PAWR: variants seen among roughly 807,000 people sequenced by gnomAD.
PAWR encodes the protein PRKC apoptosis WT1 regulator protein.
Under a neutral mutation model 32.0 loss-of-function variants are expected in PAWR, and 23 were observed. The ratio of observed to expected loss-of-function variants is 0.72; its 90% CI spans 0.52 to 1.02. The LOEUF (loss-of-function observed/expected upper bound fraction) is 1.02, where lower values mean the gene tolerates loss of function less well. Ranked by LOEUF, PAWR falls within the 50% of genes least tolerant of loss-of-function variation. PAWR has a pLI of 0.00. For missense variants in PAWR, 457 were observed against 437.7 expected (o/e 1.04, Z -0.39); for synonymous variants, 226 against 187.1 (o/e 1.21, Z -1.70).
At chr12:79,622,378 T>C (rs1463002733) in intron 2 of PAWR, among the ~76,000 whole-genome samples, 4 of 152,168 alleles carry the variant, frequency 2.6e-5, no homozygotes, top group Admixed American at 6.5e-5. Context: ...TACACATGTA[T>C]ACATGTGCCA....
At chr12:79,630,041 C>T (rs1037760478) in intron 2 of PAWR, among the ~76,000 whole-genome samples, 3 of 151,534 alleles carry the variant, frequency 2.0e-5, no homozygotes, top group Non-Finnish European at 4.4e-5. Context: ...ATGATCAAGG[C>T]TTTCATCTTA....
intron 2 of PAWR, among the ~76,000 whole-genome samples, chr12:79,642,830 G>A (rs1042429356): frequency 1.3e-5 from 2 of 152,132 alleles, no homozygotes; most frequent in Non-Finnish European, 2.9e-5. Flanking sequence ...TTGGAACCTG[G>A]AATGCAAAAC....
intron 2 of PAWR, among the ~76,000 whole-genome samples, chr12:79,666,928 C>T (rs1195368981): frequency 6.6e-6 from 1 of 152,130 alleles, no homozygotes; most frequent in Non-Finnish European, 1.5e-5. Flanking sequence ...AATCTTGGGA[C>T]CCCAAAATCA....
At chr12:79,636,758 T>C (rs1415243090) in intron 2 of PAWR, among the ~76,000 whole-genome samples, 1 of 152,146 alleles carries the variant, frequency 6.6e-6, no homozygotes, top group Non-Finnish European at 1.5e-5. Flanking sequence ...ATCCTTTACA[T>C]AATACTGACA....
intron 3 of PAWR, among the ~76,000 whole-genome samples, chr12:79,616,128 G>T (rs560333294): frequency 3.2e-4 from 47 of 148,448 alleles, no homozygotes; most frequent in Middle Eastern, 7.2e-3. Context: ...ATTTTACAAA[G>T]AGCTTCTTTT....
rs750031962 is a variant in PAWR at position 79,639,825 on chromosome 12, TCC to T, written c.517-18620_517-18619del. On this transcript the variant is annotated intron_variant, in intron 2 of 6. Coordinates refer to ENST00000328827, the MANE Select transcript of PAWR (RefSeq NM_002583.4). Reference sequence around the variant, plus strand: ...ATTTCCATTCCATTCCTTTTCCTTTTCCTTTTCCATTCCTATTCCTATTCCTA... The same window carrying T: ...ATTTCCATTCCATTCCTTTTCCTTTTTTTTCCATTCCTATTCCTATTCCTA... 1.4e-4 allele frequency among the ~76,000 whole-genome samples: 19 copies of T among 138,972 alleles called. No homozygotes were observed. The East Asian group carries it at 2.7e-3, about 19-fold the overall frequency. The allele number at this position is 138,972 out of a possible 152,430, so 91.2% of individuals were successfully genotyped here. A position where few individuals can be genotyped will look rare whatever the true frequency, so the allele number is the denominator to read the frequency against.
intron 2 of PAWR, among the ~76,000 whole-genome samples, chr12:79,633,914 T>C (rs570005315): frequency 1.3e-4 from 20 of 152,232 alleles, no homozygotes; most frequent in East Asian, 9.7e-4. Context: ...TGACATAACA[T>C]GCCACCTAGG....
chr12:79,651,430 C>T (rs749460841), intron 2 of PAWR, among the ~76,000 whole-genome samples: 1 of 152,164 alleles, frequency 6.6e-6, no homozygotes, highest in South Asian at 2.1e-4. Context: ...CCCTTACAAG[C>T]CTGAATCCTC....
chr12:79,663,107 C>A (rs1877426904), intron 2 of PAWR, among the ~76,000 whole-genome samples: 3 of 152,190 alleles, frequency 2.0e-5, no homozygotes. Context: ...TCATCAACTT[C>A]ATTTTTTGTG....
Position 79,690,369 on chromosome 12 carries a change from C to G in PAWR, c.-125G>C. On this transcript the variant is annotated 5_prime_UTR_variant, in exon 2 of 7. Coordinates refer to ENST00000328827, the MANE Select transcript of PAWR (RefSeq NM_002583.4). The stretch of plus-strand genomic sequence containing the variant: ...CGACCTCCAGGAGAGGGACGGCCGC[C>G]GCTCCCACAGCAGCCGGCGGGGCTG... 7.4e-7 allele frequency: 1 copy of G among 1,347,072 alleles called. No homozygotes were observed. Among genetic ancestry groups the G allele is most frequent in the Non-Finnish European group, 9.5e-7 (1 of 1,053,882 alleles). 83.4% of individuals were successfully genotyped at this position (1,347,072 alleles called of 1,614,324 possible). A position where few individuals can be genotyped will look rare whatever the true frequency, so the allele number is the denominator to read the frequency against.
At chr12:79,678,598 C>T (rs1405342883) in intron 2 of PAWR, among the ~76,000 whole-genome samples, 1 of 152,236 alleles carries the variant, frequency 6.6e-6, no homozygotes, top group Non-Finnish European at 1.5e-5. Context: ...TAAAAACCTA[C>T]CTCATGAGTT....
chr12:79,648,055 A>G (rs543363144), intron 2 of PAWR, among the ~76,000 whole-genome samples: 13 of 152,334 alleles, frequency 8.5e-5, no homozygotes, highest in Middle Eastern at 3.4e-3. Context: ...CAGGAGGCAG[A>G]GCTCAGGCAG....
rs529365125 is a variant in PAWR, at chr12:79,611,108, A to C, written c.683+2467T>G. On this transcript the variant is annotated intron_variant, in intron 4 of 6. Coordinates refer to ENST00000328827, the MANE Select transcript of PAWR (RefSeq NM_002583.4). ...ATCTTCTGGGTGTTTGAACCTCCTAATGACTTTCAGAGTTATTTCTAGCTA... is the reference window on the plus strand; with the variant it reads ...ATCTTCTGGGTGTTTGAACCTCCTACTGACTTTCAGAGTTATTTCTAGCTA... Among the ~76,000 whole-genome samples, 30 of 148,372 alleles carry C rather than the reference A, an allele frequency of 2.0e-4. No homozygotes were observed. The South Asian group carries it at 5.9e-3, about 29-fold the overall frequency.
At position 79,586,788 on chromosome 12, in the gene PAWR, C is replaced by G. The variant is rs965732537; in HGVS notation, c.*5819G>C. 11 of 152,198 alleles carry G rather than the reference C, an allele frequency of 7.2e-5. No homozygotes were observed. The highest frequency in any genetic ancestry group is 2.6e-4 in the African/African-American group (11 of 41,550). 9.4% of individuals were successfully genotyped at this position (152,198 alleles called of 1,614,324 possible). A position where few individuals can be genotyped will look rare whatever the true frequency, so the allele number is the denominator to read the frequency against. ...AGTCATAACAGATTTTTGAAAGTGA[C>G]AGTAAAATTATGCATTTGGTCCAGG... On this transcript the variant is annotated 3_prime_UTR_variant, in exon 7 of 7. Coordinates refer to ENST00000328827, the MANE Select transcript of PAWR (RefSeq NM_002583.4).
chr12:79,686,215 C>A (rs1878672612), intron 2 of PAWR, among the ~76,000 whole-genome samples: 2 of 152,194 alleles, frequency 1.3e-5, no homozygotes, highest in South Asian at 4.1e-4. Flanking sequence ...AACCCATTCA[C>A]ACAACCCTAC....
intron 2 of PAWR, among the ~76,000 whole-genome samples, chr12:79,656,005 G>T (rs958996281): frequency 6.6e-6 from 1 of 152,204 alleles, no homozygotes; most frequent in African/African-American, 2.4e-5. Context: ...GCAAATGTGG[G>T]ATAGAACTCC....
intron 4 of PAWR, among the ~76,000 whole-genome samples, chr12:79,601,409 T>C (rs1873956942): frequency 6.6e-6 from 1 of 152,002 alleles, no homozygotes; most frequent in Admixed American, 6.6e-5. Flanking sequence ...CTTGCTATGT[T>C]GCCCAGGCCG....
intron 2 of PAWR, among the ~76,000 whole-genome samples, chr12:79,671,514 AAGTTT>A (rs1877898409): frequency 2.0e-5 from 3 of 152,172 alleles, no homozygotes. Context: ...GTTTACCAAG[AAGTTT>A]TACTGTGAAT....
At chr12:79,614,405 T>G (rs1874628311) in intron 3 of PAWR, among the ~76,000 whole-genome samples, 1 of 152,084 alleles carries the variant, frequency 6.6e-6, no homozygotes, top group Admixed American at 6.6e-5. Context: ...AGTTCCTATT[T>G]TTAAAGACTA....
Sources: allele counts gnomAD v4.1 joint callset (sites outside exome capture counted in the v4.1 genomes callset), GRCh38; gene constraint gnomAD v4.1.1; transcripts MANE v1.5; gene names NCBI Gene and HGNC (gene_info 2026-07-23, HGNC 2026-07-21).